Variants in SMARCA2 observed in about 807,000 individuals in gnomAD.
The protein encoded by SMARCA2 is SWI/SNF-related matrix-associated actin-dependent regulator of chromatin subfamily A member 2.
SMARCA2 carries 61 observed loss-of-function variants against 199.8 expected under a neutral mutation model. The ratio of observed to expected loss-of-function variants is 0.31; its 90% CI spans 0.25 to 0.38. SMARCA2 has a LOEUF of 0.38. SMARCA2 is among the 10% of genes least tolerant of loss of function. The pLI, the probability that SMARCA2 is intolerant of heterozygous loss-of-function variation, is 1.00. For missense variants in SMARCA2, 1,344 were observed against 2,012.2 expected (o/e 0.67, Z 6.35); for synonymous variants, 935 against 732.0 (o/e 1.28, Z -4.48).
chr9:2,165,362 T>C (rs945528158), intron 28 of SMARCA2, among the ~76,000 whole-genome samples: 47 of 152,248 alleles, frequency 3.1e-4, no homozygotes, highest in African/African-American at 9.6e-4. Context: ...AGATCATTTA[T>C]GTGTGTGTTC....
At chr9:2,192,323 C>G (rs1253796765) in intron 33 of SMARCA2, 1 of 234,144 alleles carries the variant, frequency 4.3e-6, no homozygotes, top group African/African-American at 2.4e-5. Context: ...CAGCCTTAAC[C>G]CTTGATGCAA....
chr9:2,030,469 G>A (rs1366380382), intron 2 of SMARCA2, among the ~76,000 whole-genome samples: 1 of 150,796 alleles, frequency 6.6e-6, no homozygotes, highest in Non-Finnish European at 1.5e-5. Context: ...AGTGGAGTAA[G>A]TTCAAGTCTG....
chr9:2,138,264 C>T (rs976759781), intron 27 of SMARCA2, among the ~76,000 whole-genome samples: 9 of 151,714 alleles, frequency 5.9e-5, no homozygotes, highest in African/African-American at 2.2e-4. Context: ...GTGTGTTTTC[C>T]GTATTTAAAA....
chr9:2,082,574 A>C (rs1821614512), intron 15 of SMARCA2, among the ~76,000 whole-genome samples: 1 of 152,130 alleles, frequency 6.6e-6, no homozygotes, highest in Non-Finnish European at 1.5e-5. Flanking sequence ...GGTGGTTCTT[A>C]GAAGGTCCTA....
intron 31 of SMARCA2, among the ~76,000 whole-genome samples, chr9:2,185,575 G>A (rs1292185349): frequency 6.6e-6 from 1 of 152,110 alleles, no homozygotes; most frequent in Non-Finnish European, 1.5e-5. Flanking sequence ...ATTTTTTGAG[G>A]AAAAGGACCA....
In SMARCA2 at chr9:2,115,744, T is replaced by G. The variant is rs766087431; in HGVS notation, c.3457-78T>G. ...GTGAAATACAGAACCCTTCCATATT[T>G]CCCTCTGGGGTGGGGTCCGGTTTTG... On this transcript the variant is annotated intron_variant, in intron 24 of 33. Transcript: ENST00000349721. The surrounding 1 kb of genome is among the most constrained non-coding windows in gnomAD (Gnocchi z 6.0). The G allele has an allele frequency of 2.1e-4, 230 of 1,116,600 alleles. No individual in the cohort carries two copies. The highest frequency in any genetic ancestry group is 2.9e-4 in the Non-Finnish European group (218 of 754,194). The allele number at this position is 1,116,600 out of a possible 1,614,324, so 69.2% of individuals were successfully genotyped here.
intron 32 of SMARCA2, among the ~76,000 whole-genome samples, chr9:2,187,538 T>G (rs541585883): frequency 2.0e-5 from 3 of 152,146 alleles, no homozygotes; most frequent in Admixed American, 2.0e-4. Context: ...AATAGCCAAG[T>G]GTGGTGGCAC....
chr9:2,045,858 C>CACACACAT (rs1554616585), intron 4 of SMARCA2: 2 of 148,742 alleles, frequency 1.3e-5, no homozygotes, highest in Non-Finnish European at 3.0e-5. Flanking sequence ...CACACACACA[C>CACACACAT]GACACAAACA....
At chr9:2,022,613 G>C (rs1216587255) in intron 1 of SMARCA2, among the ~76,000 whole-genome samples, 2 of 152,164 alleles carry the variant, frequency 1.3e-5, no homozygotes, top group Non-Finnish European at 2.9e-5. Flanking sequence ...CAGTAAAAAT[G>C]TGCCATTTTA....
intron 5 of SMARCA2, among the ~76,000 whole-genome samples, chr9:2,048,800 G>A (rs751107599): frequency 6.6e-6 from 1 of 152,146 alleles, no homozygotes; most frequent in Non-Finnish European, 1.5e-5. Flanking sequence ...TGATATTTCA[G>A]TGCTGATAGG....
chr9:2,039,346 T>G lies in SMARCA2; in HGVS notation c.356-120T>G, dbSNP rs1354181947. 1.8e-5 allele frequency: 15 copies of G among 832,994 alleles called. No individual in the cohort carries two copies. In the East Asian group the frequency reaches 3.1e-4, roughly 17 times the overall value. The allele number at this position is 832,994 out of a possible 1,614,324, so 51.6% of individuals were successfully genotyped here. The stretch of plus-strand genomic sequence containing the variant: ...TAAACTCCATATAATTAATAAATGA[T>G]ATGTCATTCAAATTTCTGTCAGACA... On this transcript the variant is annotated intron_variant, in intron 3 of 33. Transcript: ENST00000349721. This position sits in a 1 kb window ranked among gnomAD's most constrained non-coding sequence, Gnocchi z 4.8.
chr9:2,170,315 A>G lies in SMARCA2; in HGVS notation c.4200-104A>G. ...ATCTTCCTAACAAGGCAGGTTGGTG[A>G]GGAGACTGAGGCTTGGCCAGGTCAC... On this transcript the variant is annotated intron_variant, in intron 28 of 33. Transcript: ENST00000349721. The surrounding 1 kb of genome is among the most constrained non-coding windows in gnomAD (Gnocchi z 4.7). The G allele has an allele frequency of 1.4e-6, 2 of 1,431,634 alleles. No individual in the cohort carries two copies. The highest frequency in any genetic ancestry group is 9.6e-7 in the Non-Finnish European group (1 of 1,038,750). The allele number at this position is 1,431,634 out of a possible 1,614,324, so 88.7% of individuals were successfully genotyped here.
intron 27 of SMARCA2, among the ~76,000 whole-genome samples, chr9:2,153,360 G>A (rs1390416318): frequency 6.6e-6 from 1 of 152,098 alleles, no homozygotes; most frequent in Non-Finnish European, 1.5e-5. Flanking sequence ...AACATAGCCT[G>A]ACCCTGTGTC....
intron 28 of SMARCA2, among the ~76,000 whole-genome samples, chr9:2,168,891 G>T (rs1013016587): frequency 6.6e-6 from 1 of 152,176 alleles, no homozygotes; most frequent in African/African-American, 2.4e-5. Context: ...AGTCTTAGAT[G>T]ACAGAGCCAT....
At chr9:2,020,824 T>C (rs1390788901) in intron 1 of SMARCA2, among the ~76,000 whole-genome samples, 2 of 152,210 alleles carry the variant, frequency 1.3e-5, no homozygotes, top group Non-Finnish European at 2.9e-5. Context: ...AGCTGGTCTT[T>C]TGAATGTTTG....
intron 32 of SMARCA2, among the ~76,000 whole-genome samples, chr9:2,189,735 AGTACTATTTTGT>A (rs1827748466): frequency 6.6e-6 from 1 of 152,022 alleles, no homozygotes; most frequent in Admixed American, 6.6e-5. Flanking sequence ...CTTGGCTAGG[AGTACTATTTTGT>A]GTATTAGGAT....
intron 28 of SMARCA2, among the ~76,000 whole-genome samples, chr9:2,168,019 CT>C (rs1188124487): frequency 1.4e-5 from 2 of 145,940 alleles, no homozygotes; most frequent in Non-Finnish European, 3.0e-5. Flanking sequence ...GGGAAATGAG[CT>C]TTTTTTCTTT....
At chr9:2,174,776 T>C (rs1826445257) in intron 29 of SMARCA2, among the ~76,000 whole-genome samples, 1 of 150,862 alleles carries the variant, frequency 6.6e-6, no homozygotes, top group Non-Finnish European at 1.5e-5. Flanking sequence ...AAAAATGAGG[T>C]GGGTGTGGTG....
At chr9:2,052,048 T>A (rs902308425) in intron 5 of SMARCA2, among the ~76,000 whole-genome samples, 1 of 152,200 alleles carries the variant, frequency 6.6e-6, no homozygotes, top group African/African-American at 2.4e-5. Flanking sequence ...TGGAAGAAAG[T>A]TGGGAGAATT....
Sources: allele counts gnomAD v4.1 joint callset (sites outside exome capture counted in the v4.1 genomes callset), GRCh38; gene constraint gnomAD v4.1.1; non-coding constraint Gnocchi (gnomAD v3.1); transcripts MANE v1.5; gene names NCBI Gene and HGNC (gene_info 2026-07-23, HGNC 2026-07-21).